The following ST18 variants were observed in gnomAD, a reference collection of about 807,000 sequenced individuals.
The protein encoded by ST18 is ST18 C2H2C-type zinc finger transcription factor.
In ST18, 50 loss-of-function variants were observed where a neutral mutation model predicts 110.0. That is an observed-to-expected ratio of 0.45 (90% CI 0.36 to 0.58). The LOEUF (loss-of-function observed/expected upper bound fraction) is 0.58, where lower values mean the gene tolerates loss of function less well. Among genes scored for constraint, ST18 ranks in the 20% least tolerant of loss-of-function variants. The pLI is 0.00. For missense variants in ST18, 1,306 were observed against 1,280.1 expected (o/e 1.02, Z -0.31); for synonymous variants, 461 against 452.4 (o/e 1.02, Z -0.24).
At position 52,113,024 on chromosome 8, in the gene ST18, A is replaced by G. The variant is rs2040974081; in HGVS notation, c.*174T>C. 1 of 569,076 alleles carries G rather than the reference A, an allele frequency of 1.8e-6. No homozygotes were observed. Among genetic ancestry groups the G allele is most frequent in the African/African-American group, 1.9e-5 (1 of 52,242 alleles). The allele number at this position is 569,076 out of a possible 1,614,324, so 35.3% of individuals were successfully genotyped here. On this transcript the variant is annotated 3_prime_UTR_variant, in exon 26 of 26. Coordinates refer to ENST00000689386, the MANE Select transcript of ST18 (RefSeq NM_001352837.2). ...GCATTGCTTTTAATCCAAGAAGTCTATCATAGTTTTTCTTTCCTTTTTATA... is the reference window on the plus strand; with the variant it reads ...GCATTGCTTTTAATCCAAGAAGTCTGTCATAGTTTTTCTTTCCTTTTTATA...
chr8:52,340,291 G>A (rs140810619), intron 2 of ST18, among the ~76,000 whole-genome samples: 25 of 152,288 alleles, frequency 1.6e-4, no homozygotes, highest in African/African-American at 4.6e-4. Context: ...ATCAATACCA[G>A]ACCAACAATT....
At chr8:52,211,375 CTAATTATTATTAT>C (rs1369351096) in intron 8 of ST18, among the ~76,000 whole-genome samples, 1 of 127,900 alleles carries the variant, frequency 7.8e-6, no homozygotes, top group Non-Finnish European at 1.7e-5. Context: ...ATGGAATCAT[CTAATTATTATTAT>C]TATTATTATT....
At chr8:52,405,567 A>T (rs1029038560) in intron 2 of ST18, 1 of 152,164 alleles carries the variant, frequency 6.6e-6, no homozygotes, top group Non-Finnish European at 1.5e-5. Context: ...TGACAACTAC[A>T]TTTCCTACTA....
chr8:52,160,692 C>A (rs561098207), intron 14 of ST18, among the ~76,000 whole-genome samples: 1 of 152,284 alleles, frequency 6.6e-6, no homozygotes, highest in Non-Finnish European at 1.5e-5. Flanking sequence ...ACCCCAACAA[C>A]CTGAAGAAAT....
chr8:52,348,798 T>G (rs1331533664), intron 2 of ST18, among the ~76,000 whole-genome samples: 1 of 152,204 alleles, frequency 6.6e-6, no homozygotes, highest in African/African-American at 2.4e-5. Flanking sequence ...GAAGTATATA[T>G]ACATTGTGAA....
At chr8:52,116,811 T>C (rs2042726217) in intron 24 of ST18, among the ~76,000 whole-genome samples, 1 of 152,184 alleles carries the variant, frequency 6.6e-6, no homozygotes, top group African/African-American at 2.4e-5. Flanking sequence ...TCACCTCCAC[T>C]GGCTCCTCCT....
At chr8:52,380,129 C>T (rs978333629) in intron 2 of ST18, among the ~76,000 whole-genome samples, 1 of 152,124 alleles carries the variant, frequency 6.6e-6, no homozygotes, top group Admixed American at 6.6e-5. Context: ...AGAGAAAAGT[C>T]ATGACATTAC....
rs143889260 is a variant in ST18, at chr8:52,353,541, A to G, written c.-465+55787T>C. Among the ~76,000 whole-genome samples the G allele has an allele frequency of 2.2e-3, 329 of 152,346 alleles. 5 individuals are homozygous for G. Among genetic ancestry groups the G allele is most frequent in the Middle Eastern group, 0.017 (5 of 294 alleles). On this transcript the variant is annotated intron_variant, in intron 2 of 25. Transcript: ENST00000689386. Reference sequence around the variant, plus strand: ...CTCACAGACACACATGAAAAAATGTATGAGCAACTAGGAATTAACATAGAG... The same window carrying G: ...CTCACAGACACACATGAAAAAATGTGTGAGCAACTAGGAATTAACATAGAG...
At chr8:52,195,692 G>A (rs1458639979) in intron 8 of ST18, among the ~76,000 whole-genome samples, 2 of 152,138 alleles carry the variant, frequency 1.3e-5, no homozygotes, top group East Asian at 3.9e-4. Flanking sequence ...ATGTGGTTGA[G>A]TAACAGAAGC....
At chr8:52,348,280 T>C (rs1818640004) in intron 2 of ST18, among the ~76,000 whole-genome samples, 2 of 152,210 alleles carry the variant, frequency 1.3e-5, no homozygotes, top group African/African-American at 2.4e-5. Context: ...ATGCCTCAGA[T>C]AAGGACTGCA....
At chr8:52,181,998 G>A (rs775309358) in intron 8 of ST18, among the ~76,000 whole-genome samples, 1 of 152,024 alleles carries the variant, frequency 6.6e-6, no homozygotes, top group Non-Finnish European at 1.5e-5. Context: ...AGGATGAAAA[G>A]GATAGTTAAA....
In ST18 at chr8:52,149,854, G is replaced by A. The variant is rs1253196024; in HGVS notation, c.1930C>T (p.Pro644Ser). The change falls in exon 16 of 26, where the codon CCA becomes TCA. Residue 644 changes from proline to serine, a missense_variant. Pro to Ser is a moderately conservative substitution (Grantham distance 74). Transcript: ENST00000689386. Reference sequence around the variant, plus strand: ...ACCAGAATGCTGCTTGTTTTGAATGGGGAAGAGGAAGGAGTTGGAATAGAA... The same window carrying A: ...ACCAGAATGCTGCTTGTTTTGAATGAGGAAGAGGAAGGAGTTGGAATAGAA... ...NTSIPTPSSSPFKTSSILVNA... is the reference protein window; with the variant it reads ...NTSIPTPSSSSFKTSSILVNA... 6.2e-7 allele frequency: 1 copy of A among 1,614,066 alleles called. No homozygotes were observed. Among genetic ancestry groups the A allele is most frequent in the African/African-American group, 1.3e-5 (1 of 74,936 alleles).
At chr8:52,162,818 A>G (rs2061811074) in intron 13 of ST18, among the ~76,000 whole-genome samples, 1 of 152,116 alleles carries the variant, frequency 6.6e-6, no homozygotes, top group Non-Finnish European at 1.5e-5. Flanking sequence ...TAAAAAATAT[A>G]TTTTTCTCTT....
At chr8:52,319,223 C>T (rs1222013556) in intron 2 of ST18, among the ~76,000 whole-genome samples, 4 of 151,888 alleles carry the variant, frequency 2.6e-5, no homozygotes, top group South Asian at 2.1e-4. Flanking sequence ...CCATTTTTGT[C>T]GATTTCAGGT....
chr8:52,266,091 C>A (rs558902789), intron 2 of ST18, among the ~76,000 whole-genome samples: 1 of 152,122 alleles, frequency 6.6e-6, no homozygotes, highest in African/African-American at 2.4e-5. Flanking sequence ...ATTGAATCGG[C>A]AATTTCAGGT....
intron 8 of ST18, among the ~76,000 whole-genome samples, chr8:52,207,361 G>A (rs761543871): frequency 1.2e-4 from 19 of 152,234 alleles, no homozygotes; most frequent in East Asian, 7.7e-4. Context: ...GTGTGGTGGC[G>A]CGTGCCTGTA....
intron 2 of ST18, among the ~76,000 whole-genome samples, chr8:52,392,773 A>G (rs1019490463): frequency 6.6e-6 from 1 of 152,194 alleles, no homozygotes; most frequent in African/African-American, 2.4e-5. Context: ...GTTACACACT[A>G]TGTAAATGAA....
chr8:52,332,841 A>G (rs1365331946), intron 2 of ST18, among the ~76,000 whole-genome samples: 1 of 151,956 alleles, frequency 6.6e-6, no homozygotes, highest in African/African-American at 2.4e-5. Flanking sequence ...ACAGAGCAAG[A>G]CTCTGTCAAA....
intron 2 of ST18, among the ~76,000 whole-genome samples, chr8:52,394,043 A>G (rs1233107531): frequency 6.6e-6 from 1 of 152,160 alleles, no homozygotes; most frequent in Non-Finnish European, 1.5e-5. Context: ...TGTAATTCTC[A>G]TCATATCTTC....
Sources: gnomAD v4.1 joint callset for allele counts (sites outside exome capture counted in the v4.1 genomes callset) on GRCh38, gnomAD v4.1.1 for gene constraint, MANE v1.5 for transcripts, NCBI Gene and HGNC (gene_info 2026-07-23, HGNC 2026-07-21) for gene names.